The following VAT1L variants were observed in gnomAD, a reference collection of about 807,000 sequenced individuals.
VAT1L encodes the protein vesicle amine transport 1 like, also known as putative NADPH-dependent quinone oxidoreductase VAT1L.
In VAT1L, 34 loss-of-function variants were observed where a neutral mutation model predicts 44.1. That is an observed-to-expected ratio of 0.77 (90% CI 0.59 to 1.03). The LOEUF is 1.03. Among genes scored for constraint, VAT1L ranks in the 50% least tolerant of loss-of-function variants. VAT1L has a pLI of 0.00. For missense variants in VAT1L, 615 were observed against 538.8 expected, an observed-to-expected ratio of 1.14 and a Z score of -1.40; for synonymous variants, 253 against 202.2, an observed-to-expected ratio of 1.25 and a Z score of -2.13.
rs77376565 is a variant in VAT1L at position 77,911,386 on chromosome 16, T to C, written c.1077+26584T>C. 5.5e-3 allele frequency among the ~76,000 whole-genome samples: 841 copies of C among 152,286 alleles called. 10 individuals are homozygous for C. The highest frequency in any genetic ancestry group is 0.019 in the African/African-American group (774 of 41,548). On this transcript the variant is annotated intron_variant, in intron 7 of 8. Coordinates refer to ENST00000302536, the MANE Select transcript of VAT1L (RefSeq NM_020927.3). ...GACCTTCTCATCCTGTGGCATAGTG[T>C]CCTGTGGGGTACTAAGGATTCAGTA...
chr16:77,889,229 G>C (rs1170799598), intron 7 of VAT1L, among the ~76,000 whole-genome samples: 1 of 152,178 alleles, frequency 6.6e-6, no homozygotes, highest in Non-Finnish European at 1.5e-5. Flanking sequence ...CTGAGCCTCA[G>C]ACTAGAAGAT....
At position 77,807,612 on chromosome 16, in the gene VAT1L, C is replaced by T. The variant is rs574332359; in HGVS notation, c.234-9309C>T. On this transcript the variant is annotated intron_variant, in intron 1 of 8. Transcript: ENST00000302536. ...CTATCAGACCTCTTGCTGCAAATCT[C>T]AGTCTCGGAGTCTGTTTCCCAGGGA... Among the ~76,000 whole-genome samples the T allele has an allele frequency of 4.6e-5, 7 of 152,290 alleles. No individual in the cohort carries two copies. In the East Asian group the frequency reaches 1.4e-3, roughly 29 times the overall value.
At position 77,924,530 on chromosome 16, in the gene VAT1L, G is replaced by A. The variant is rs1009927821; in HGVS notation, c.1077+39728G>A. Among the ~76,000 whole-genome samples, 3 of 151,934 alleles carry A rather than the reference G, an allele frequency of 2.0e-5. No homozygotes were observed. In the East Asian group the frequency reaches 5.8e-4, roughly 29 times the overall value. On this transcript the variant is annotated intron_variant, in intron 7 of 8. Transcript: ENST00000302536. Reference sequence around the variant, plus strand: ...GGCTGGAGTGCAGTGACACAATCTCGGCTCACTGCAACCTCCGCCTTCCAG... The same window carrying A: ...GGCTGGAGTGCAGTGACACAATCTCAGCTCACTGCAACCTCCGCCTTCCAG...
At chr16:77,905,480 C>G (rs898633527) in intron 7 of VAT1L, among the ~76,000 whole-genome samples, 1 of 152,042 alleles carries the variant, frequency 6.6e-6, no homozygotes, top group Non-Finnish European at 1.5e-5. Context: ...AGTAGCCTCG[C>G]CACCCCTGCT....
chr16:77,897,779 C>A (rs2017339710), intron 7 of VAT1L, among the ~76,000 whole-genome samples: 1 of 152,182 alleles, frequency 6.6e-6, no homozygotes, highest in African/African-American at 2.4e-5. Flanking sequence ...CCAGCCCAAA[C>A]TGGGTTTCTT....
At chr16:77,958,696 T>C (rs982210412) in intron 7 of VAT1L, among the ~76,000 whole-genome samples, 1 of 152,248 alleles carries the variant, frequency 6.6e-6, no homozygotes, top group Non-Finnish European at 1.5e-5. Context: ...GTTTAATTCA[T>C]ATGAACCCCT....
chr16:77,946,279 C>CTGTTTTTTTTTTTTTTTTTTTTT (rs2017963440), intron 7 of VAT1L, among the ~76,000 whole-genome samples: 1 of 70,428 alleles, frequency 1.4e-5, no homozygotes, highest in Non-Finnish European at 2.5e-5. Context: ...GTTACTTGTT[C>CTGTTTTTTTTTTTTTTTTTTTTT]TTTTTTTTTT....
intron 7 of VAT1L, among the ~76,000 whole-genome samples, chr16:77,960,531 C>G (rs2018149893): frequency 6.6e-6 from 1 of 152,134 alleles, no homozygotes; most frequent in South Asian, 2.1e-4. Flanking sequence ...TGTGAAGAGG[C>G]ATAGCTACTT....
At chr16:77,874,860 A>AT (rs564229650) in intron 4 of VAT1L, among the ~76,000 whole-genome samples, 4,018 of 151,086 alleles carry the variant, frequency 0.027, 74 homozygotes, top group South Asian at 0.07. Flanking sequence ...AAAAAAAAAA[A>AT]AAAGCCAGTC....
At chr16:77,822,923 G>C (rs532144739) in intron 2 of VAT1L, among the ~76,000 whole-genome samples, 2 of 152,216 alleles carry the variant, frequency 1.3e-5, no homozygotes, top group East Asian at 3.9e-4. Context: ...CTGGCAGCTG[G>C]AGCAGAGGTG....
chr16:77,924,828 C>T (rs1228762600), intron 7 of VAT1L, among the ~76,000 whole-genome samples: 1 of 152,134 alleles, frequency 6.6e-6, no homozygotes, highest in African/African-American at 2.4e-5. Flanking sequence ...CTCTGTCTAG[C>T]AGGGTAATGT....
chr16:77,975,536 G>C (rs2018329785), intron 8 of VAT1L, among the ~76,000 whole-genome samples: 2 of 152,048 alleles, frequency 1.3e-5, no homozygotes, highest in South Asian at 4.1e-4. Context: ...CCCTCACTCA[G>C]CCCCGAATCT....
At chr16:77,862,645 A>AAG in intron 3 of VAT1L, 103 bp from the exon 4 acceptor site, 6 of 1,129,642 alleles carry the variant, frequency 5.3e-6, no homozygotes, top group Non-Finnish European at 7.3e-6. Context: ...AAAAAAAAAA[A>AAG]AAGTCAATAG....
At chr16:77,918,740 T>A (rs534184276) in intron 7 of VAT1L, among the ~76,000 whole-genome samples, 1 of 152,304 alleles carries the variant, frequency 6.6e-6, no homozygotes, top group African/African-American at 2.4e-5. Context: ...AGCTGATCAT[T>A]CCTAAATCTT....
intron 1 of VAT1L, among the ~76,000 whole-genome samples, chr16:77,795,913 C>T (rs983577783): frequency 2.7e-5 from 4 of 149,580 alleles, no homozygotes; most frequent in African/African-American, 9.9e-5. Context: ...GCAACCTCCA[C>T]CTACCAAGTT....
At chr16:77,795,738 G>A (rs1462823038) in intron 1 of VAT1L, among the ~76,000 whole-genome samples, 2 of 151,306 alleles carry the variant, frequency 1.3e-5, no homozygotes, top group Non-Finnish European at 2.9e-5. Flanking sequence ...GTTTCAGGCA[G>A]ACATGGATTA....
intron 7 of VAT1L, among the ~76,000 whole-genome samples, chr16:77,934,268 G>A (rs375945979): frequency 2.0e-5 from 3 of 152,094 alleles, no homozygotes; most frequent in African/African-American, 7.2e-5. Context: ...TTGGCCTGAA[G>A]AGCTGTGGTT....
intron 7 of VAT1L, among the ~76,000 whole-genome samples, chr16:77,964,658 G>A (rs1163447561): frequency 6.6e-6 from 1 of 152,140 alleles, no homozygotes; most frequent in African/African-American, 2.4e-5. Flanking sequence ...GAATGGATGG[G>A]TTGGGAGTGT....
intron 1 of VAT1L, 24 bp downstream of exon 1, chr16:77,788,939 C>T (rs758418891): frequency 3.4e-6 from 5 of 1,450,430 alleles, no homozygotes; most frequent in African/African-American, 1.5e-5. Flanking sequence ...GCCTTTCTCG[C>T]TTTCTCTCTT....
Sources: gnomAD v4.1 joint callset for allele counts (sites outside exome capture counted in the v4.1 genomes callset) on GRCh38, gnomAD v4.1.1 for gene constraint, MANE v1.5 for transcripts, NCBI Gene and HGNC (gene_info 2026-07-23, HGNC 2026-07-21) for gene names.